Variants in PLCB1 observed in about 807,000 individuals in gnomAD.
The protein encoded by PLCB1 is phospholipase C beta 1, also known as 1-phosphatidylinositol 4,5-bisphosphate phosphodiesterase beta-1.
In PLCB1, 46 loss-of-function variants were observed where a neutral mutation model predicts 161.8. The observed-to-expected ratio is 0.28, with a 90% CI of 0.22 to 0.36. The LOEUF (loss-of-function observed/expected upper bound fraction) is 0.36. Ranked by LOEUF, PLCB1 falls within the 10% of genes least tolerant of loss-of-function variation. PLCB1 has a pLI of 1.00. For synonymous variants in PLCB1, 517 were observed against 503.7 expected, an observed-to-expected ratio of 1.03 and a Z score of -0.35; for missense variants, 1,016 against 1,472.5, an observed-to-expected ratio of 0.69 and a Z score of 5.07.
intron 3 of PLCB1, among the ~76,000 whole-genome samples, chr20:8,509,123 A>C (rs1983764846): frequency 6.6e-6 from 1 of 152,160 alleles, no homozygotes; most frequent in Non-Finnish European, 1.5e-5. Context: ...AAAATCTATA[A>C]TTCATTAGCT....
chr20:8,363,102 A>G (rs1441250314), intron 2 of PLCB1, among the ~76,000 whole-genome samples: 1 of 152,152 alleles, frequency 6.6e-6, no homozygotes, highest in Non-Finnish European at 1.5e-5. Flanking sequence ...GAGTGCCAAG[A>G]TACGTAAATT....
chr20:8,722,219 C>T, intron 14 of PLCB1, 135 bp from the exon 15 acceptor site: 2 of 577,014 alleles, frequency 3.5e-6, no homozygotes, highest in Non-Finnish European at 5.9e-6. Flanking sequence ...AATTTAAATC[C>T]TTGAAAAAAA....
At chr20:8,768,725 G>A (rs1303121843) in intron 26 of PLCB1, among the ~76,000 whole-genome samples, 1 of 152,204 alleles carries the variant, frequency 6.6e-6, no homozygotes, top group Non-Finnish European at 1.5e-5. Flanking sequence ...ATGGCGTGGT[G>A]CCCCCTGAGA....
At chr20:8,173,287 C>T (rs2051750908) in intron 2 of PLCB1, among the ~76,000 whole-genome samples, 1 of 152,108 alleles carries the variant, frequency 6.6e-6, no homozygotes, top group Non-Finnish European at 1.5e-5. Context: ...GCCCATGAAG[C>T]CTATTTGTCT....
At chr20:8,498,846 G>A (rs576991443) in intron 3 of PLCB1, among the ~76,000 whole-genome samples, 5 of 152,300 alleles carry the variant, frequency 3.3e-5, no homozygotes, top group South Asian at 2.1e-4. Context: ...CAGATGAGTC[G>A]AAGACAGGCT....
chr20:8,699,519 G>T (rs1436901588), intron 11 of PLCB1, among the ~76,000 whole-genome samples: 1 of 152,138 alleles, frequency 6.6e-6, no homozygotes, highest in Non-Finnish European at 1.5e-5. Flanking sequence ...AGATTGAAAG[G>T]TAGTGTTTTA....
intron 2 of PLCB1, among the ~76,000 whole-genome samples, chr20:8,267,768 A>G (rs1982046645): frequency 6.6e-6 from 1 of 152,036 alleles, no homozygotes; most frequent in African/African-American, 2.4e-5. Flanking sequence ...AATACTCTCT[A>G]GAGGTTGCCT....
intron 2 of PLCB1, among the ~76,000 whole-genome samples, chr20:8,276,968 CTTCTTCTTCTTCTTCTTCTTATTA>C (rs1156821676): frequency 8.7e-5 from 10 of 114,298 alleles, no homozygotes; most frequent in African/African-American, 2.7e-4. Context: ...TCTTCTTCTT[CTTCTTCTTCTTCTTCTTCTTATTA>C]TTATTATTAT....
chr20:8,883,863 A>G lies in PLCB1; in HGVS notation c.*2014A>G, dbSNP rs1185312460. 1 of 152,612 alleles carries G rather than the reference A, an allele frequency of 6.6e-6. No homozygotes were observed. Among genetic ancestry groups the G allele is most frequent in the East Asian group, 1.9e-4 (1 of 5,200 alleles). The allele number at this position is 152,612 out of a possible 1,614,324, so 9.5% of individuals were successfully genotyped here. On this transcript the variant is annotated 3_prime_UTR_variant, in exon 32 of 32. Transcript: ENST00000338037. ...CATTCTACTTTTGCACTTTGAAAGA[A>G]AGGCGTTAATCATAAAGAAGCAAGA...
At chr20:8,320,952 A>G (rs954518378) in intron 2 of PLCB1, among the ~76,000 whole-genome samples, 5 of 151,696 alleles carry the variant, frequency 3.3e-5, no homozygotes, top group Admixed American at 1.3e-4. Flanking sequence ...AAAGGAAGGA[A>G]GGAAAAGAAA....
chr20:8,520,093 G>A (rs1297598787), intron 3 of PLCB1, among the ~76,000 whole-genome samples: 1 of 152,216 alleles, frequency 6.6e-6, no homozygotes, highest in African/African-American at 2.4e-5. Context: ...TTAGGTGACA[G>A]AATGATAAGA....
At chr20:8,420,389 T>C (rs6086444) in intron 3 of PLCB1, among the ~76,000 whole-genome samples, 3,946 of 152,302 alleles carry the variant, frequency 0.026, 68 homozygotes, top group Non-Finnish European at 0.037. Context: ...CATATATTTT[T>C]TAAAATTCTT....
At chr20:8,663,383 G>T (rs533598599) in intron 9 of PLCB1, among the ~76,000 whole-genome samples, 1 of 152,064 alleles carries the variant, frequency 6.6e-6, no homozygotes, top group South Asian at 2.1e-4. Context: ...ATAAAAGATA[G>T]ACTTGAAATT....
intron 2 of PLCB1, among the ~76,000 whole-genome samples, chr20:8,160,982 A>G (rs946564276): frequency 1.3e-5 from 2 of 152,166 alleles, no homozygotes; most frequent in African/African-American, 4.8e-5. Flanking sequence ...TAAGTTTCTC[A>G]AATCTAGCAA....
chr20:8,545,429 T>A (rs1985500330), intron 3 of PLCB1, among the ~76,000 whole-genome samples: 1 of 152,174 alleles, frequency 6.6e-6, no homozygotes, highest in Admixed American at 6.5e-5. Flanking sequence ...GTCGTATGAC[T>A]CAAAGTGTGT....
At chr20:8,741,614 A>C (rs1980885147) in intron 23 of PLCB1, 41 bp downstream of exon 23, 1 of 1,289,912 alleles carries the variant, frequency 7.8e-7, no homozygotes, top group South Asian at 1.2e-5. Context: ...ATTAAGCATG[A>C]TCACCACACC....
intron 6 of PLCB1, 24 bp from the exon 7 acceptor site, chr20:8,649,350 T>C: frequency 6.3e-7 from 1 of 1,584,858 alleles, no homozygotes; most frequent in Non-Finnish European, 8.7e-7. Flanking sequence ...TAAACCTCTC[T>C]CCTTTGTTGT....
chr20:8,420,790 T>A (rs544811470), intron 3 of PLCB1, among the ~76,000 whole-genome samples: 13 of 152,308 alleles, frequency 8.5e-5, no homozygotes, highest in Non-Finnish European at 7.4e-5. Context: ...AACAAGAATG[T>A]CATAATTTGG....
chr20:8,857,696 A>G (rs6086653), intron 31 of PLCB1, among the ~76,000 whole-genome samples: 39,058 of 152,184 alleles, frequency 0.26, 6,722 homozygotes, highest in East Asian at 0.65. Flanking sequence ...GAAAGACTGT[A>G]TTACCCTGAC....
Sources: allele counts gnomAD v4.1 joint callset (sites outside exome capture counted in the v4.1 genomes callset), GRCh38; gene constraint gnomAD v4.1.1; transcripts MANE v1.5; gene names NCBI Gene and HGNC (gene_info 2026-07-23, HGNC 2026-07-21).